Variants in TOGARAM2 observed in about 807,000 individuals in gnomAD.
The protein encoded by TOGARAM2 is TOG array regulator of axonemal microtubules protein 2.
TOGARAM2 carries 85 observed loss-of-function variants against 93.3 expected under a neutral mutation model. That is an observed-to-expected ratio of 0.91 (90% CI 0.76 to 1.09). The LOEUF (loss-of-function observed/expected upper bound fraction) is 1.09, where lower values mean the gene tolerates loss of function less well. TOGARAM2 is among the 50% of genes least tolerant of loss of function. The pLI, the probability that TOGARAM2 is intolerant of heterozygous loss-of-function variation, is 0.00. For missense variants in TOGARAM2, 1,277 were observed against 1,334.5 expected (o/e 0.96, Z 0.67); for synonymous variants, 593 against 552.8 (o/e 1.07, Z -1.02).
At chr2:29,026,566 ATG>A (rs1371146581) in intron 13 of TOGARAM2, among the ~76,000 whole-genome samples, 1 of 152,164 alleles carries the variant, frequency 6.6e-6, no homozygotes, top group Non-Finnish European at 1.5e-5. Flanking sequence ...AAAAGGAAGG[ATG>A]TGTGTGCAGG....
chr2:29,025,675 G>A (rs1665307111), intron 13 of TOGARAM2, among the ~76,000 whole-genome samples: 1 of 152,192 alleles, frequency 6.6e-6, no homozygotes, highest in Non-Finnish European at 1.5e-5. Context: ...GTTCCACTGG[G>A]GTGAGACTCT....
chr2:29,045,401 C>A lies in TOGARAM2; in HGVS notation c.2713C>A (p.Arg905Ser), dbSNP rs149465089. ...SGRAVLDVTD[R>S]LAVLVASVYP... ...CCGTGCGGTGCTGGATGTCACAGAT[C>A]GCCTGGCAGGTGAGCACCCCCAGCC... Residue 905 changes from arginine (R) to serine (S), a missense_variant, in exon 19 of 20, where the codon CGC becomes AGC. Coordinates refer to ENST00000379558, the MANE Select transcript of TOGARAM2 (RefSeq NM_199280.4). 6.2e-7 allele frequency: 1 copy of A among 1,613,146 alleles called. No individual in the cohort carries two copies. The highest frequency in any genetic ancestry group is 1.3e-5 in the African/African-American group (1 of 74,898).
At chr2:29,029,573 G>A (rs1253607716) in intron 14 of TOGARAM2, among the ~76,000 whole-genome samples, 7 of 151,340 alleles carry the variant, frequency 4.6e-5, no homozygotes, top group South Asian at 2.1e-4. Context: ...TGGCTAATAC[G>A]GTGAAACCCC....
rs199621182 is a variant in TOGARAM2, at chr2:29,033,595, A to T, written c.2225+32A>T. 19 of 1,595,492 alleles carry T rather than the reference A, an allele frequency of 1.2e-5. No homozygotes were observed. In the African/African-American group the frequency reaches 2.1e-4, roughly 18 times the overall value. ...CTGCTCCTGTATCTCTGGGCTTCAC[A>T]TCTAAGACTTCTGACAGAGGCATCC... On this transcript the variant is annotated intron_variant, in intron 16 of 19. Transcript: ENST00000379558.
chr2:28,996,383 C>G (rs58972896), intron 2 of TOGARAM2, among the ~76,000 whole-genome samples: 3,301 of 152,254 alleles, frequency 0.022, 123 homozygotes, highest in African/African-American at 0.076. Flanking sequence ...TAACCAACCT[C>G]TCTTCATTCC....
Position 29,017,891 on chromosome 2 carries a change from GCCGGGCCTC to G in TOGARAM2, c.1298_1306del (p.Arg433_Ser435del), listed in dbSNP as rs754007270. ...AGCATCATCCTGAGGAAGTGGGCCA[GCCGGGCCTC>G]CCTGCCCAGCATCCCCATCAGCCGG... On this transcript the variant is annotated inframe_deletion, in exon 10 of 20. Transcript: ENST00000379558. 7.4e-4 allele frequency: 1,195 copies of G among 1,612,606 alleles called. No homozygotes were observed. The highest frequency in any genetic ancestry group is 9.3e-4 in the Non-Finnish European group (1,099 of 1,179,474).
At chr2:29,004,980 GTA>G (rs1449520852) in intron 6 of TOGARAM2, among the ~76,000 whole-genome samples, 3 of 138,398 alleles carry the variant, frequency 2.2e-5, no homozygotes, top group South Asian at 2.5e-4. Context: ...GTGCATGTGT[GTA>G]TGTGTGTGAG....
intron 16 of TOGARAM2, 130 bp downstream of exon 16, chr2:29,033,693 CT>C (rs1665917641): frequency 2.7e-6 from 2 of 752,616 alleles, no homozygotes; most frequent in East Asian, 5.6e-5. Flanking sequence ...CTAGTTGGGG[CT>C]GCAATACTAA....
At chr2:28,969,408 G>A (rs1009289358) in intron 1 of TOGARAM2, among the ~76,000 whole-genome samples, 14 of 152,200 alleles carry the variant, frequency 9.2e-5, no homozygotes, top group African/African-American at 2.9e-4. Context: ...CTTTGGTCCC[G>A]GGTGGGCAGC....
At chr2:29,002,462 G>C (rs1182741441) in intron 4 of TOGARAM2, 74 bp from the exon 5 acceptor site, 11 of 1,365,898 alleles carry the variant, frequency 8.1e-6, no homozygotes, top group Non-Finnish European at 1.1e-5. Context: ...AGGCCCCGTT[G>C]CTGGGGTCTG....
intron 1 of TOGARAM2, among the ~76,000 whole-genome samples, chr2:28,962,383 C>T (rs1025051766): frequency 2.6e-5 from 4 of 151,974 alleles, no homozygotes; most frequent in African/African-American, 9.7e-5. Flanking sequence ...AGCATGTTGG[C>T]GAGGCTGGTC....
chr2:28,999,075 G>A lies in TOGARAM2; in HGVS notation c.140-106G>A, dbSNP rs1673141309. The A allele has an allele frequency of 1.2e-5, 15 of 1,202,348 alleles. No homozygotes were observed. The South Asian group carries it at 2.0e-4, about 16-fold the overall frequency. The allele number at this position is 1,202,348 out of a possible 1,614,324, so 74.5% of individuals were successfully genotyped here. A position where few individuals can be genotyped will look rare whatever the true frequency, so the allele number is the denominator to read the frequency against. On this transcript the variant is annotated intron_variant, in intron 3 of 19. Transcript: ENST00000379558. ...AACATTAAATGACTGGGTTTCACCAGGCAAGTGGCTGCCTGTTAGAAGGAA... is the reference window on the plus strand; with the variant it reads ...AACATTAAATGACTGGGTTTCACCAAGCAAGTGGCTGCCTGTTAGAAGGAA...
chr2:29,036,647 A>G lies in TOGARAM2; in HGVS notation c.2525A>G (p.His842Arg), dbSNP rs755880964. 3 of 1,613,748 alleles carry G rather than the reference A, an allele frequency of 1.9e-6. No individual in the cohort carries two copies. The highest frequency in any genetic ancestry group is 1.3e-5 in the African/African-American group (1 of 74,864). ...ATCCCCCTCCTCAGAGAGAGCTTAC[A>G]CCCCATGCTGCTCTCCATCATCATC... ...KMIPLLRESL[H>R]PMLLSIIITV... The change falls in exon 18 of 20, where the codon CAC (histidine) becomes CGC (arginine). Residue 842 changes from histidine (H) to arginine (R), a missense_variant. Physicochemically the swap from His to Arg is conservative, Grantham distance 29 (BLOSUM62 0). Coordinates refer to ENST00000379558, the MANE Select transcript of TOGARAM2 (RefSeq NM_199280.4).
intron 1 of TOGARAM2, among the ~76,000 whole-genome samples, chr2:28,963,438 C>T (rs184609956): frequency 2.5e-3 from 378 of 152,242 alleles, no homozygotes; most frequent in Admixed American, 4.8e-3. Context: ...GCAGTGGTGC[C>T]GTCAGAGTTC....
At chr2:28,981,112 A>AG (rs1325083723), upstream of TOGARAM2, among the ~76,000 whole-genome samples, 2 of 152,220 alleles carry the variant, frequency 1.3e-5, no homozygotes, top group African/African-American at 2.4e-5. Context: ...GTCACCAGGC[A>AG]GGGGGGCCCA....
intron 4 of TOGARAM2, 31 bp from the exon 5 acceptor site, chr2:29,002,505 T>C (rs762476656): frequency 6.3e-7 from 1 of 1,593,624 alleles, no homozygotes; most frequent in Non-Finnish European, 8.6e-7. Context: ...CTTCTGGGAC[T>C]AACTGATTTC....
intron 1 of TOGARAM2, among the ~76,000 whole-genome samples, chr2:28,992,752 G>T (rs1672796978): frequency 6.6e-6 from 1 of 152,166 alleles, no homozygotes; most frequent in Non-Finnish European, 1.5e-5. Flanking sequence ...TTTTGATCCT[G>T]TCTGAACATC....
At chr2:29,016,870 A>T (rs1664607284) in intron 8 of TOGARAM2, among the ~76,000 whole-genome samples, 1 of 152,054 alleles carries the variant, frequency 6.6e-6, no homozygotes, top group Non-Finnish European at 1.5e-5. Context: ...TTCTGTCTCC[A>T]CTTAAGCTTC....
rs375344742 is a variant in TOGARAM2, at chr2:29,002,602, C to A, written c.494C>A (p.Ser165Tyr). 6.2e-7 allele frequency: 1 copy of A among 1,613,906 alleles called. No homozygotes were observed. The highest frequency in any genetic ancestry group is 1.3e-5 in the African/African-American group (1 of 74,948). The change falls in exon 5 of 20, where the codon TCT becomes TAT. Residue 165 changes from serine (S) to tyrosine (Y), a missense_variant. Physicochemically the swap from Ser to Tyr is moderately radical, Grantham distance 144 (BLOSUM62 -2). Coordinates refer to ENST00000379558, the MANE Select transcript of TOGARAM2 (RefSeq NM_199280.4). ...PLHSTIPRAT[S>Y]QRLLRVPRPM... is the part of the protein sequence containing the mutation. ...CACAGCACCATCCCCCGAGCCACCTCTCAGAGGCTGCTGAGGGTGCCCAGG... is the reference window on the plus strand; with the variant it reads ...CACAGCACCATCCCCCGAGCCACCTATCAGAGGCTGCTGAGGGTGCCCAGG...
Sources: allele counts gnomAD v4.1 joint callset (sites outside exome capture counted in the v4.1 genomes callset), GRCh38; gene constraint gnomAD v4.1.1; transcripts MANE v1.5; gene names NCBI Gene and HGNC (gene_info 2026-07-23, HGNC 2026-07-21).